Variants in DAB2 observed in about 807,000 individuals in gnomAD.
The protein encoded by DAB2 is DAB adaptor protein 2, also known as disabled homolog 2.
DAB2 carries 28 observed loss-of-function variants against 71.6 expected under a neutral mutation model. The ratio of observed to expected loss-of-function variants is 0.39; its 90% CI spans 0.29 to 0.54. The LOEUF (loss-of-function observed/expected upper bound fraction) is 0.54. DAB2 is among the 20% of genes least tolerant of loss of function. The pLI is 0.68. For missense variants in DAB2, 867 were observed against 928.8 expected (o/e 0.93, Z 0.86); for synonymous variants, 345 against 339.7 (o/e 1.02, Z -0.17).
chr5:39,410,220 A>G (rs1367496541), intron 1 of DAB2, among the ~76,000 whole-genome samples: 1 of 151,984 alleles, frequency 6.6e-6, no homozygotes, highest in East Asian at 1.9e-4. Context: ...CAAAGGCTCA[A>G]GTCTTGACTA....
intron 14 of DAB2, 94 bp downstream of exon 14, chr5:39,374,920 T>C: frequency 1.2e-6 from 1 of 813,650 alleles, no homozygotes; most frequent in Admixed American, 2.1e-5. Flanking sequence ...ATTTACCCTC[T>C]TCCCAATTCT....
chr5:39,418,311 A>G (rs1309091093), intron 1 of DAB2: 1 of 152,210 alleles, frequency 6.6e-6, no homozygotes, highest in African/African-American at 2.4e-5. Flanking sequence ...GCCCTCTGAC[A>G]TATGTTCAAA....
chr5:39,376,016 A>G lies in DAB2; in HGVS notation c.2228T>C (p.Phe743Ser). ...AFENPFFKDS[F>S]GSSQASVASS... The stretch of plus-strand genomic sequence containing the variant: ...ACTTACAGAGGCTTGTGATGAACCA[A>G]AAGAATCTTTAAAGAAAGGGTTCTC... The change falls in exon 13 of 15, where the codon TTT (phenylalanine) becomes TCT (serine). Residue 743 changes from phenylalanine (F) to serine (S), a missense_variant. Around this residue, in one of 2 missense-constraint regions of DAB2, gnomAD observed 740 missense variants for 734.3 expected, o/e 1.01. Transcript: ENST00000320816. 4 of 1,614,038 alleles carry G rather than the reference A, an allele frequency of 2.5e-6. No individual in the cohort carries two copies. Among genetic ancestry groups the G allele is most frequent in the Non-Finnish European group, 3.4e-6 (4 of 1,179,914 alleles).
Position 39,388,311 on chromosome 5 carries a change from A to G in DAB2, c.681T>C (p.Ser227=), listed in dbSNP as rs74808556. Residue 227 remains serine (S), a synonymous_variant, in exon 9 of 15, where the codon AGT becomes AGC. Transcript: ENST00000320816. ...TTTAAAAACAAACACTTACTGTTGG[A>G]CTATTTAGGTCAGGAGGTGTAGACA... ...GDMSTPPDLN[S]PTESKDILLV... 2,621 of 1,609,118 alleles carry G rather than the reference A, an allele frequency of 1.6e-3. 29 individuals carry two copies. In the African/African-American group the frequency reaches 0.024, roughly 14 times the overall value.
chr5:39,372,707 G>C lies in DAB2; in HGVS notation c.*724C>G, dbSNP rs547755382. On this transcript the variant is annotated 3_prime_UTR_variant, in exon 15 of 15. Transcript: ENST00000320816. ...ACTACTTGAACCCAGGAGCAAAACT[G>C]ACTGAAAAAAGAATCAGAAAAAAAA... is the stretch of plus-strand genomic sequence containing the variant. 6.6e-5 allele frequency: 10 copies of C among 151,114 alleles called. No individual in the cohort carries two copies. In the East Asian group the frequency reaches 1.9e-3, roughly 29 times the overall value. 9.4% of individuals were successfully genotyped at this position (151,114 alleles called of 1,614,324 possible).
intron 13 of DAB2, 134 bp from the exon 14 acceptor site, chr5:39,375,218 C>A: frequency 3.2e-6 from 2 of 622,454 alleles, no homozygotes; most frequent in Non-Finnish European, 5.7e-6. Flanking sequence ...TTATATGGGG[C>A]TTACAGTGTT....
At chr5:39,398,341 A>G (rs1755419893) in intron 1 of DAB2, among the ~76,000 whole-genome samples, 1 of 152,152 alleles carries the variant, frequency 6.6e-6, no homozygotes, top group African/African-American at 2.4e-5. Context: ...GGTGAGTGGC[A>G]TTACCTTGCT....
chr5:39,381,658 T>C, intron 10 of DAB2, 42 bp from the exon 11 acceptor site: 1 of 1,608,620 alleles, frequency 6.2e-7, no homozygotes, highest in Admixed American at 1.7e-5. Context: ...AGTTACTCAC[T>C]AACAGTGAAA....
At position 39,397,945 on chromosome 5, in the gene DAB2, T is replaced by C. The variant is rs943035154; in HGVS notation, c.-101-3524A>G. 4.6e-5 allele frequency among the ~76,000 whole-genome samples: 7 copies of C among 152,332 alleles called. No homozygotes were observed. In the East Asian group the frequency reaches 1.4e-3, roughly 29 times the overall value. The stretch of plus-strand genomic sequence containing the variant: ...GTGTGTGTGACTATACCTTCAGATC[T>C]GTCTTGCTTAGGTCAGTATTATGTT... On this transcript the variant is annotated intron_variant, in intron 1 of 14. Transcript: ENST00000320816.
intron 1 of DAB2, among the ~76,000 whole-genome samples, chr5:39,399,447 T>C (rs1579916510): frequency 6.6e-6 from 1 of 152,180 alleles, no homozygotes; most frequent in Non-Finnish European, 1.5e-5. Flanking sequence ...CAAAGGAAGA[T>C]CTAAAGTTAT....
At chr5:39,383,421 C>A in intron 9 of DAB2, 150 bp from the exon 10 acceptor site, 2 of 647,466 alleles carry the variant, frequency 3.1e-6, no homozygotes, top group East Asian at 2.7e-5. Flanking sequence ...TCCATCAACC[C>A]CCGTAGTCCA....
intron 1 of DAB2, among the ~76,000 whole-genome samples, chr5:39,418,945 A>G (rs1396353558): frequency 6.6e-6 from 1 of 152,226 alleles, no homozygotes; most frequent in African/African-American, 2.4e-5. Context: ...GGCCTTATAT[A>G]GCTTGTCTTA....
intron 8 of DAB2, 99 bp downstream of exon 8, chr5:39,388,700 T>G (rs1272775904): frequency 1.0e-6 from 1 of 973,360 alleles, no homozygotes; most frequent in African/African-American, 1.6e-5. Flanking sequence ...TGGATTTTCA[T>G]ATAGATTCAA....
intron 1 of DAB2, among the ~76,000 whole-genome samples, chr5:39,416,910 A>G (rs1481039927): frequency 1.3e-5 from 2 of 151,972 alleles, no homozygotes; most frequent in East Asian, 3.9e-4. Context: ...AGGTTAAGCA[A>G]CCCTTTTCTC....
intron 4 of DAB2, 34 bp downstream of exon 4, chr5:39,392,331 G>T: frequency 6.6e-7 from 1 of 1,511,078 alleles, no homozygotes; most frequent in Non-Finnish European, 9.2e-7. Context: ...AGACTCAGGT[G>T]GTCAGAGAGG....
At chr5:39,379,326 G>A (rs1169202646) in intron 11 of DAB2, among the ~76,000 whole-genome samples, 1 of 151,092 alleles carries the variant, frequency 6.6e-6, no homozygotes. Context: ...GGTGGCGCAT[G>A]CCTGTAATCC....
chr5:39,415,119 T>C (rs139573999), intron 1 of DAB2, among the ~76,000 whole-genome samples: 2 of 152,170 alleles, frequency 1.3e-5, no homozygotes, highest in Admixed American at 1.3e-4. Context: ...TATAAATTGC[T>C]GTATTGATAT....
At chr5:39,407,217 TTTTG>T (rs1427639262) in intron 1 of DAB2, among the ~76,000 whole-genome samples, 1 of 152,214 alleles carries the variant, frequency 6.6e-6, no homozygotes, top group Non-Finnish European at 1.5e-5. Flanking sequence ...ATGCTAGGTT[TTTTG>T]TTTGTTTGTT....
chr5:39,412,936 C>T (rs900862113), intron 1 of DAB2, among the ~76,000 whole-genome samples: 6 of 152,064 alleles, frequency 3.9e-5, no homozygotes, highest in African/African-American at 9.7e-5. Context: ...AATAGCAATG[C>T]GTAAAAGATA....
Sources: allele counts gnomAD v4.1 joint callset (sites outside exome capture counted in the v4.1 genomes callset), GRCh38; gene constraint gnomAD v4.1.1; regional missense constraint gnomAD v4.1.1; transcripts MANE v1.5; gene names NCBI Gene and HGNC (gene_info 2026-07-23, HGNC 2026-07-21).